CUL2: variants seen among roughly 807,000 people sequenced by gnomAD.
CUL2 encodes cullin 2.
A neutral mutation model predicts 110.2 loss-of-function variants in CUL2; 22 were observed. The ratio of observed to expected loss-of-function variants is 0.20; its 90% confidence interval spans 0.14 to 0.28. CUL2 has a LOEUF of 0.28. Among genes scored for constraint, CUL2 ranks in the 10% least tolerant of loss-of-function variants. The probability of loss-of-function intolerance (pLI) is 1.00; values close to 1 mark genes in which losing one functional copy is unlikely to be tolerated. For missense variants in CUL2, 631 were observed against 905.5 expected, an observed-to-expected ratio of 0.70 and a Z score of 3.89; for synonymous variants, 279 against 293.2, an observed-to-expected ratio of 0.95 and a Z score of 0.49.
At chr10:35,113,541 T>C (rs1321522768) in intron 1 of CUL2, among the ~76,000 whole-genome samples, 2 of 117,670 alleles carry the variant, frequency 1.7e-5, no homozygotes. Context: ...TTCCGCAAGA[T>C]CCAGTAACTA....
intron 1 of CUL2, among the ~76,000 whole-genome samples, chr10:35,112,812 T>G (rs1290976044): frequency 6.6e-6 from 1 of 152,124 alleles, no homozygotes; most frequent in African/African-American, 2.4e-5. Flanking sequence ...AGATCAAGAT[T>G]AAAGGCCGTT....
chr10:35,072,206 A>G (rs2086698388), intron 1 of CUL2, among the ~76,000 whole-genome samples: 1 of 152,148 alleles, frequency 6.6e-6, no homozygotes, highest in East Asian at 1.9e-4. Context: ...TAGAATATAA[A>G]ATTCACATGA....
At chr10:35,072,613 C>G (rs1211563522) in intron 1 of CUL2, among the ~76,000 whole-genome samples, 1 of 152,166 alleles carries the variant, frequency 6.6e-6, no homozygotes, top group Non-Finnish European at 1.5e-5. Flanking sequence ...CGTGATCCGC[C>G]CACCTCGGCC....
chr10:35,040,052 C>T (rs55920660), intron 8 of CUL2, among the ~76,000 whole-genome samples: 23,935 of 152,056 alleles, frequency 0.16, 2,031 homozygotes, highest in East Asian at 0.24. Context: ...ACTCGGGAGG[C>T]TGAGGCAGAA....
chr10:35,112,104 T>C (rs1273879306), intron 1 of CUL2, among the ~76,000 whole-genome samples: 2 of 152,214 alleles, frequency 1.3e-5, no homozygotes, highest in Non-Finnish European at 2.9e-5. Flanking sequence ...CCAGGACTCT[T>C]AGAGGTTCTT....
At chr10:35,024,742 A>T (rs1419776786) in intron 17 of CUL2, among the ~76,000 whole-genome samples, 1 of 152,222 alleles carries the variant, frequency 6.6e-6, no homozygotes, top group African/African-American at 2.4e-5. Flanking sequence ...ACAAGTAAAA[A>T]TCAAATGGTT....
At chr10:35,074,178 C>A in intron 1 of CUL2, 1 of 1,535,214 alleles carries the variant, frequency 6.5e-7, no homozygotes, top group Non-Finnish European at 8.7e-7. Context: ...ATCAAAGACA[C>A]AAAAATAACC....
At chr10:35,064,323 AT>A (rs2086462924) in intron 2 of CUL2, among the ~76,000 whole-genome samples, 1 of 152,252 alleles carries the variant, frequency 6.6e-6, no homozygotes, top group Admixed American at 6.5e-5. Flanking sequence ...TAATAGAAAG[AT>A]TAGGAAATAC....
chr10:35,085,709 A>C (rs1012655372), intron 1 of CUL2, among the ~76,000 whole-genome samples: 5 of 151,832 alleles, frequency 3.3e-5, no homozygotes, highest in Non-Finnish European at 5.9e-5. Context: ...AAAAAAAAAA[A>C]AAAAAAAAAC....
At position 35,040,632 on chromosome 10, in the gene CUL2, A is replaced by C. The variant is rs117784954; in HGVS notation, c.715-1550T>G. On this transcript the variant is annotated intron_variant, in intron 8 of 20. Coordinates refer to ENST00000374749, the MANE Select transcript of CUL2 (RefSeq NM_003591.4). Reference sequence around the variant, plus strand: ...AGCCAGGAGTTCAGGGCAAAGTCACAGACTCAGGTCGGGCAAGAAGGGGTC... The same window carrying C: ...AGCCAGGAGTTCAGGGCAAAGTCACCGACTCAGGTCGGGCAAGAAGGGGTC... Among the ~76,000 whole-genome samples the C allele has an allele frequency of 5.7e-3, 861 of 152,298 alleles. 7 individuals carry two copies. Among genetic ancestry groups the C allele is most frequent in the Non-Finnish European group, 6.9e-3 (472 of 68,026 alleles).
chr10:35,053,292 G>C (rs536771195), intron 5 of CUL2, among the ~76,000 whole-genome samples: 1 of 152,184 alleles, frequency 6.6e-6, no homozygotes, highest in African/African-American at 2.4e-5. Context: ...ATTTCTCATT[G>C]ATCTTTTTCT....
chr10:35,049,560 T>A, intron 6 of CUL2, 123 bp downstream of exon 6: 1 of 585,480 alleles, frequency 1.7e-6, no homozygotes, highest in Non-Finnish European at 2.9e-6. Context: ...GGAAGTAAAA[T>A]GAGGCTCATT....
chr10:35,095,484 T>A (rs2087283196), upstream of CUL2, among the ~76,000 whole-genome samples: 1 of 152,224 alleles, frequency 6.6e-6, no homozygotes, highest in African/African-American at 2.4e-5. Context: ...ATAATATATA[T>A]GCTATTTTGT....
intron 1 of CUL2, among the ~76,000 whole-genome samples, chr10:35,087,465 A>G (rs964709421): frequency 2.6e-5 from 4 of 152,208 alleles, no homozygotes; most frequent in Non-Finnish European, 5.9e-5. Context: ...CCCTCGTTGG[A>G]TGGCTGAATC....
At chr10:35,032,370 T>C in intron 12 of CUL2, 65 bp downstream of exon 12, 1 of 1,329,332 alleles carries the variant, frequency 7.5e-7, no homozygotes, top group Non-Finnish European at 1.1e-6. Flanking sequence ...AATTTGATAT[T>C]CTGAGTTCTC....
intron 6 of CUL2, among the ~76,000 whole-genome samples, chr10:35,046,694 G>GC (rs749833858): frequency 6.6e-6 from 1 of 151,996 alleles, no homozygotes; most frequent in Non-Finnish European, 1.5e-5. Flanking sequence ...GAGTTAGAGA[G>GC]CAGCCTGGCC....
intron 16 of CUL2, among the ~76,000 whole-genome samples, chr10:35,026,060 CA>C (rs2134691718): frequency 6.6e-6 from 1 of 152,318 alleles, no homozygotes; most frequent in East Asian, 1.9e-4. Context: ...TCCTTAACAG[CA>C]AAAGTTAATA....
chr10:35,023,365 T>C (rs918291792), intron 17 of CUL2, among the ~76,000 whole-genome samples: 2 of 152,192 alleles, frequency 1.3e-5, no homozygotes, highest in African/African-American at 4.8e-5. Context: ...CCAAAGGAAG[T>C]AACTATTTGG....
Position 35,071,472 on chromosome 10 carries a change from T to C in CUL2, c.-22-133A>G, listed in dbSNP as rs1001500036. 1.0e-5 allele frequency: 7 copies of C among 683,188 alleles called. No individual in the cohort carries two copies. The African/African-American group carries it at 1.3e-4, about 12-fold the overall frequency. The allele number at this position is 683,188 out of a possible 1,614,324, so 42.3% of individuals were successfully genotyped here. ...CAGGCTGGAGTGCAATGGCGTGATC[T>C]TGGCTCACTGCAAGCTCCGCCTCCC... On this transcript the variant is annotated intron_variant, in intron 1 of 20. Coordinates refer to ENST00000374749, the MANE Select transcript of CUL2 (RefSeq NM_003591.4).
Sources: allele counts gnomAD v4.1 joint callset (sites outside exome capture counted in the v4.1 genomes callset), GRCh38; gene constraint gnomAD v4.1.1; transcripts MANE v1.5; gene names NCBI Gene and HGNC (gene_info 2026-07-23, HGNC 2026-07-21).